Variants in RPL14 observed in about 807,000 individuals in gnomAD.
RPL14 encodes the protein large ribosomal subunit protein eL14.
Under a neutral mutation model 25.3 loss-of-function variants are expected in RPL14, and 4 were observed. The observed-to-expected ratio is 0.16, with a 90% CI of 0.08 to 0.36. The LOEUF (loss-of-function observed/expected upper bound fraction) is 0.36. Among genes scored for constraint, RPL14 ranks in the 10% least tolerant of loss-of-function variants. RPL14 has a pLI of 1.00. For missense variants in RPL14, 212 were observed against 261.9 expected (o/e 0.81, Z 1.31); for synonymous variants, 75 against 89.8 (o/e 0.84, Z 0.93).
Position 40,461,944 on chromosome 3 carries a change from C to T in RPL14, c.360C>T (p.Asn120=). ...CTTACATTGATAATTTTCAGAGGAA[C>T]AGAATAATCAAGAATGAAGTTAAGA... ...FKVMKAKKMR[N]RIIKNEVKKL... The change falls in exon 6 of 6, where the codon AAC becomes AAT. Residue 120 remains asparagine (N), a synonymous_variant. Transcript: ENST00000396203. The T allele has an allele frequency of 5.0e-6, 8 of 1,594,572 alleles. No individual in the cohort carries two copies. Among genetic ancestry groups the T allele is most frequent in the Non-Finnish European group, 6.8e-6 (8 of 1,173,574 alleles).
rs1697048145 is a variant in RPL14, at chr3:40,467,730, C to CCACAACATGAATGTTCA, written c.*5500_*5516dup. ...TCTTTTTTATCTTCTGCATAATAAT[C>CCACAACATGAATGTTCA]CACAACATGAATGTTCACGTTTGAC... On this transcript the variant is annotated 3_prime_UTR_variant, in exon 6 of 6. Coordinates refer to ENST00000396203, the MANE Select transcript of RPL14 (RefSeq NM_001034996.3). 6.6e-6 allele frequency: 1 copy of CCACAACATGAATGTTCA among 152,208 alleles called. No homozygotes were observed. The highest frequency in any genetic ancestry group is 1.5e-5 in the Non-Finnish European group (1 of 68,048). 9.4% of individuals were successfully genotyped at this position (152,208 alleles called of 1,614,324 possible). A position where few individuals can be genotyped will look rare whatever the true frequency, so the allele number is the denominator to read the frequency against.
chr3:40,464,364 T>C lies in RPL14; in HGVS notation c.*2132T>C, dbSNP rs903342487. On this transcript the variant is annotated 3_prime_UTR_variant, in exon 6 of 6. Transcript: ENST00000396203. ...GATTTGCTTGATAATAGGCAAGTGG[T>C]ATGGTGTAATAAGGAAAATATGGAT... The C allele has an allele frequency of 3.1e-5, 13 of 425,026 alleles. No individual in the cohort carries two copies. The highest frequency in any genetic ancestry group is 2.5e-5 in the Admixed American group (1 of 39,848). 26.3% of individuals were successfully genotyped at this position (425,026 alleles called of 1,614,324 possible).
chr3:40,461,825 T>C, intron 5 of RPL14, 114 bp from the exon 6 acceptor site: 2 of 1,320,298 alleles, frequency 1.5e-6, no homozygotes, highest in Non-Finnish European at 2.1e-6. Flanking sequence ...GTTACCTTTC[T>C]TCAGATGTAG....
In RPL14 at chr3:40,468,187, C is replaced by T. The variant is rs979498392; in HGVS notation, c.*5955C>T. ...GCTTCCGTGAATGTCCTTGTGTACA[C>T]CTCCTTCTGTACACAATGATGTTTA... On this transcript the variant is annotated 3_prime_UTR_variant, in exon 6 of 6. Coordinates refer to ENST00000396203, the MANE Select transcript of RPL14 (RefSeq NM_001034996.3). 6.6e-6 allele frequency: 1 copy of T among 152,186 alleles called. No homozygotes were observed. The highest frequency in any genetic ancestry group is 1.5e-5 in the Non-Finnish European group (1 of 68,042). 9.4% of individuals were successfully genotyped at this position (152,186 alleles called of 1,614,324 possible).
intron 3 of RPL14, among the ~76,000 whole-genome samples, 196 bp from the exon 4 acceptor site, chr3:40,461,211 T>C (rs184822591): frequency 2.4e-4 from 36 of 150,380 alleles, no homozygotes; most frequent in Admixed American, 1.9e-3. Context: ...AAAAAGGGAC[T>C]GGATTACAGT....
intron 1 of RPL14, 175 bp from the exon 2 acceptor site, chr3:40,457,715 C>A: frequency 1.5e-6 from 1 of 685,214 alleles, no homozygotes; most frequent in Non-Finnish European, 2.5e-6. Context: ...CGGGCTTAAG[C>A]TACTGAGGCG....
intron 3 of RPL14, 61 bp from the exon 4 acceptor site, chr3:40,461,346 G>A (rs544181708): frequency 2.2e-6 from 3 of 1,345,442 alleles, no homozygotes; most frequent in South Asian, 2.4e-5. Flanking sequence ...CAAAGAAAGT[G>A]TCTTTGATAA....
Position 40,461,519 on chromosome 3 carries a change from G to C in RPL14, c.300+13G>C, listed in dbSNP as rs1197456471. Reference sequence around the variant, plus strand: ...AGCCAGAGAAAGGGTAATAACTTAGGGTCATTTGAATTCTGGTCCTTTCTT... The same window carrying C: ...AGCCAGAGAAAGGGTAATAACTTAGCGTCATTTGAATTCTGGTCCTTTCTT... On this transcript the variant is annotated intron_variant, in intron 4 of 5. Coordinates refer to ENST00000396203, the MANE Select transcript of RPL14 (RefSeq NM_001034996.3). 6.2e-7 allele frequency: 1 copy of C among 1,613,070 alleles called. No individual in the cohort carries two copies. Among genetic ancestry groups the C allele is most frequent in the Non-Finnish European group, 8.5e-7 (1 of 1,179,330 alleles).
At chr3:40,460,512 C>A (rs2125625353) in intron 3 of RPL14, among the ~76,000 whole-genome samples, 1 of 149,812 alleles carries the variant, frequency 6.7e-6, no homozygotes, top group East Asian at 1.9e-4. Context: ...AGAGCAAGAC[C>A]CTGTCTCAAA....
At position 40,463,684 on chromosome 3, in the gene RPL14, A is replaced by G. The variant is rs1303976456; in HGVS notation, c.*1452A>G. The G allele has an allele frequency of 6.6e-6, 1 of 152,262 alleles. No individual in the cohort carries two copies. The highest frequency in any genetic ancestry group is 1.5e-5 in the Non-Finnish European group (1 of 68,056). 9.4% of individuals were successfully genotyped at this position (152,262 alleles called of 1,614,324 possible). On this transcript the variant is annotated 3_prime_UTR_variant, in exon 6 of 6. Transcript: ENST00000396203. The stretch of plus-strand genomic sequence containing the variant: ...GGTCAAAATACAGGTACACAGCACT[A>G]TTCAGTGTCCCTGAGGAAGAAATAG...
At chr3:40,458,277 C>G in intron 2 of RPL14, 1 of 523,866 alleles carries the variant, frequency 1.9e-6, no homozygotes, top group Non-Finnish European at 3.4e-6. Context: ...AGATCCAGCA[C>G]GTAGAAAGCA....
In RPL14 at chr3:40,461,945, A is replaced by C. The variant is rs755798094; in HGVS notation, c.361A>C (p.Arg121=). Residue 121 remains arginine (R), a synonymous_variant, in exon 6 of 6, where the codon AGA becomes CGA. Coordinates refer to ENST00000396203, the MANE Select transcript of RPL14 (RefSeq NM_001034996.3). Reference sequence around the variant, plus strand: ...TTACATTGATAATTTTCAGAGGAACAGAATAATCAAGAATGAAGTTAAGAA... The same window carrying C: ...TTACATTGATAATTTTCAGAGGAACCGAATAATCAAGAATGAAGTTAAGAA... ...KVMKAKKMRN[R]IIKNEVKKLQ... is the part of the protein sequence containing the mutation. 10 of 1,595,216 alleles carry C rather than the reference A, an allele frequency of 6.3e-6. No individual in the cohort carries two copies. In the East Asian group the frequency reaches 2.2e-4, roughly 36 times the overall value.
chr3:40,462,217 T>G lies in RPL14; in HGVS notation c.633T>G (p.Ser211=). 6.3e-7 allele frequency: 1 copy of G among 1,590,810 alleles called. No individual in the cohort carries two copies. Among genetic ancestry groups the G allele is most frequent in the Non-Finnish European group, 8.5e-7 (1 of 1,173,456 alleles). Residue 211 remains serine, a synonymous_variant, in exon 6 of 6, where the codon TCT becomes TCG. Coordinates refer to ENST00000396203, the MANE Select transcript of RPL14 (RefSeq NM_001034996.3). ...AGAAAGCACCTGCTCCAAAGGCATC[T>G]GGCAAGAAAGCATAAGTGGCAATCA... ...PAQKAPAPKA[S]GKKA
rs1697009653 is a variant in RPL14, at chr3:40,465,085, G to A, written c.*2853G>A. The stretch of plus-strand genomic sequence containing the variant: ...GTAAGAGCTGTGATAATGACACAAG[G>A]AGGAGAGGTTTCAGGACAGACTTGG... On this transcript the variant is annotated 3_prime_UTR_variant, in exon 6 of 6. Transcript: ENST00000396203. 1 of 152,878 alleles carries A rather than the reference G, an allele frequency of 6.5e-6. No individual in the cohort carries two copies. Among genetic ancestry groups the A allele is most frequent in the Non-Finnish European group, 1.5e-5 (1 of 68,582 alleles). The allele number at this position is 152,878 out of a possible 1,614,324, so 9.5% of individuals were successfully genotyped here.
chr3:40,458,320 G>A (rs1696876254), intron 2 of RPL14: 2 of 510,576 alleles, frequency 3.9e-6, no homozygotes, highest in Non-Finnish European at 7.0e-6. Context: ...TTTGAAACAA[G>A]CAAACTAAGG....
rs1167535263 is a variant in RPL14, at chr3:40,457,346, C to T, written c.-126C>T. The T allele has an allele frequency of 2.5e-6, 4 of 1,604,698 alleles. No homozygotes were observed. Among genetic ancestry groups the T allele is most frequent in the Non-Finnish European group, 3.4e-6 (4 of 1,175,062 alleles). Reference sequence around the variant, plus strand: ...GTTGGGCGGGTCTTCTTCCTTCTCGCCTAACGCCGCCAACATGGTGAGTCT... The same window carrying T: ...GTTGGGCGGGTCTTCTTCCTTCTCGTCTAACGCCGCCAACATGGTGAGTCT... On this transcript the variant is annotated 5_prime_UTR_variant, in exon 1 of 6. Coordinates refer to ENST00000396203, the MANE Select transcript of RPL14 (RefSeq NM_001034996.3).
At position 40,457,954 on chromosome 3, in the gene RPL14, A is replaced by G. The variant is rs35187187; in HGVS notation, c.68A>G (p.Lys23Arg). The G allele has an allele frequency of 5.7e-4, 924 of 1,614,100 alleles. 5 individuals carry two copies. Among genetic ancestry groups the G allele is most frequent in the South Asian group, 2.7e-3 (244 of 91,080 alleles). Residue 23 changes from lysine (K) to arginine (R), a missense_variant, in exon 2 of 6, where the codon AAA becomes AGA. Lys to Arg is a conservative substitution (Grantham distance 26, BLOSUM62 2). Around this residue, in one of 3 missense-constraint regions of RPL14, gnomAD observed 143 missense variants for 180.3 expected, o/e 0.79. Transcript: ENST00000396203. Reference sequence around the variant, plus strand: ...GTCTCCTTTGGACCTCATGCCGGAAAATTGGTCGCGATTGTAGATGTTATT... The same window carrying G: ...GTCTCCTTTGGACCTCATGCCGGAAGATTGGTCGCGATTGTAGATGTTATT... ...AYVSFGPHAGKLVAIVDVIDQ... is the reference protein window; with the variant it reads ...AYVSFGPHAGRLVAIVDVIDQ...
At position 40,462,086 on chromosome 3, in the gene RPL14, G is replaced by A. The variant is rs375865018; in HGVS notation, c.502G>A (p.Ala168Thr). 1.2e-4 allele frequency: 198 copies of A among 1,604,580 alleles called. No individual in the cohort carries two copies. The highest frequency in any genetic ancestry group is 1.4e-4 in the Non-Finnish European group (170 of 1,174,472). ...AAKVPAKKITAASKKAPAQKV... is the reference protein window; with the variant it reads ...AAKVPAKKITTASKKAPAQKV... ...TAAAGTTCCAGCAAAAAAGATCACC[G>A]CCGCGAGTAAAAAGGCTCCAGCCCA... is the stretch of plus-strand genomic sequence containing the variant. The change falls in exon 6 of 6, where the codon GCC becomes ACC. Residue 168 changes from alanine (A) to threonine (T), a missense_variant. Physicochemically the swap from Ala to Thr is moderately conservative, Grantham distance 58. Around this residue, in one of 3 missense-constraint regions of RPL14, gnomAD observed 66 missense variants for 62.6 expected, o/e 1.05. Transcript: ENST00000396203.
Position 40,457,382 on chromosome 3 carries a change from G to C in RPL14, c.-90G>C, listed in dbSNP as rs1192830482. 1 of 1,604,482 alleles carries C rather than the reference G, an allele frequency of 6.2e-7. No individual in the cohort carries two copies. The highest frequency in any genetic ancestry group is 1.4e-5 in the African/African-American group (1 of 73,754). On this transcript the variant is annotated 5_prime_UTR_variant, in exon 1 of 6. Coordinates refer to ENST00000396203, the MANE Select transcript of RPL14 (RefSeq NM_001034996.3). Reference sequence around the variant, plus strand: ...CAACATGGTGAGTCTTACTGTTGCGGGCTCCGGGGCCGTCGACCATGCCGC... The same window carrying C: ...CAACATGGTGAGTCTTACTGTTGCGCGCTCCGGGGCCGTCGACCATGCCGC...
Sources: gnomAD v4.1 joint callset for allele counts (sites outside exome capture counted in the v4.1 genomes callset) on GRCh38, gnomAD v4.1.1 for gene constraint, gnomAD v4.1.1 regional missense constraint, MANE v1.5 for transcripts, NCBI Gene and HGNC (gene_info 2026-07-23, HGNC 2026-07-21) for gene names.